The following NME9 variants were observed in gnomAD, a reference collection of about 807,000 sequenced individuals.
NME9 encodes the protein NME/NM23 family member 9.
In NME9, 48 loss-of-function variants were observed where a neutral mutation model predicts 44.4. That is an observed-to-expected ratio of 1.08 (90% CI 0.86 to 1.37). The LOEUF (loss-of-function observed/expected upper bound fraction) is 1.37, where lower values mean the gene tolerates loss of function less well. Among genes scored for constraint, NME9 ranks in the 40% most tolerant of loss-of-function variants. The pLI, the probability that NME9 is intolerant of heterozygous loss-of-function variation, is 0.00. For synonymous variants in NME9, 139 were observed against 147.1 expected (o/e 0.94, Z 0.40); for missense variants, 325 against 405.2 (o/e 0.80, Z 1.70).
chr3:138,283,567 G>T (rs893706848), intron 8 of NME9, among the ~76,000 whole-genome samples: 1 of 152,134 alleles, frequency 6.6e-6, no homozygotes, highest in Non-Finnish European at 1.5e-5. Context: ...CTGATGCCCT[G>T]CAGAGGGCAT....
At chr3:138,271,185 G>C (rs2048754425) in intron 8 of NME9, among the ~76,000 whole-genome samples, 1 of 152,166 alleles carries the variant, frequency 6.6e-6, no homozygotes, top group South Asian at 2.1e-4. Context: ...TAGTTTCACA[G>C]ATATTTTTCT....
rs777835685 is a variant in NME9, at chr3:138,301,514, T to C, written c.*126A>G. The C allele has an allele frequency of 8.9e-6, 13 of 1,455,044 alleles. No homozygotes were observed. The highest frequency in any genetic ancestry group is 2.5e-5 in the Admixed American group (1 of 40,392). 90.1% of individuals were successfully genotyped at this position (1,455,044 alleles called of 1,614,324 possible). A position where few individuals can be genotyped will look rare whatever the true frequency, so the allele number is the denominator to read the frequency against. ...GTCACTGCGCCCAGCCATATTATTT[T>C]CATTGTCTACAAAAGACAGCTAAAC... On this transcript the variant is annotated 3_prime_UTR_variant, in exon 11 of 11. Coordinates refer to ENST00000333911, the MANE Select transcript of NME9 (RefSeq NM_001349018.2).
intron 9 of NME9, 117 bp from the exon 10 acceptor site, chr3:138,303,760 AT>A: frequency 1.1e-6 from 1 of 873,678 alleles, no homozygotes; most frequent in Non-Finnish European, 1.8e-6. Context: ...TGTGAAATTG[AT>A]TTCTCTGCAG....
At chr3:138,295,664 A>G (rs1013906015) in intron 8 of NME9, among the ~76,000 whole-genome samples, 6 of 152,234 alleles carry the variant, frequency 3.9e-5, no homozygotes, top group African/African-American at 1.4e-4. Flanking sequence ...GAAGAAGAAT[A>G]TAGCCAGAGT....
rs763395072 is a variant in NME9 at position 138,303,662 on chromosome 3, T to C, written c.792-19A>G. The C allele has an allele frequency of 1.3e-6, 2 of 1,583,924 alleles. No homozygotes were observed. Among genetic ancestry groups the C allele is most frequent in the Non-Finnish European group, 1.7e-6 (2 of 1,159,390 alleles). On this transcript the variant is annotated intron_variant, in intron 9 of 10. Transcript: ENST00000333911. The stretch of plus-strand genomic sequence containing the variant: ...TCGGAGACTGGGAACATTGGCAAAA[T>C]GTAAAAGAAACAATTGTTTCATTTG...
chr3:138,284,670 T>C lies in NME9; in HGVS notation c.745+18837A>G, dbSNP rs2050236960. On this transcript the variant is annotated intron_variant, in intron 8 of 8. Transcript: ENST00000317876. ...CTCAGATTCAAAGAACTCTCTTCCA[T>C]CCTGAAGAAAAAGAAAAAAACACCA... The C allele has an allele frequency of 6.3e-6, 4 of 633,018 alleles. No homozygotes were observed. The South Asian group carries it at 9.2e-5, about 15-fold the overall frequency. The allele number at this position is 633,018 out of a possible 1,614,324, so 39.2% of individuals were successfully genotyped here.
intron 8 of NME9, among the ~76,000 whole-genome samples, chr3:138,289,474 G>A (rs2050740726): frequency 1.3e-5 from 2 of 152,338 alleles, no homozygotes; most frequent in South Asian, 4.1e-4. Flanking sequence ...TTTGAGCAGA[G>A]GAAGCACATA....
At chr3:138,263,466 T>TA in intron 8 of NME9, 1 of 447,730 alleles carries the variant, frequency 2.2e-6, no homozygotes, top group South Asian at 2.3e-5. Flanking sequence ...CTGCAGTACT[T>TA]ATACCATTTA....
intron 2 of NME9, among the ~76,000 whole-genome samples, chr3:138,323,408 A>G (rs1363997256): frequency 1.3e-5 from 2 of 152,170 alleles, no homozygotes; most frequent in African/African-American, 2.4e-5. Context: ...TCCGTCTCAA[A>G]AAAAAGAAGA....
Position 138,306,006 on chromosome 3 carries a change from C to T in NME9, c.634G>A (p.Glu212Lys), listed in dbSNP as rs746313828. The change falls in exon 8 of 11, where the codon GAG becomes AAG. Residue 212 changes from glutamate (E) to lysine (K), a missense_variant and splice_region_variant. Physicochemically the swap from Glu to Lys is moderately conservative, Grantham distance 56 (BLOSUM62 1). Coordinates refer to ENST00000333911, the MANE Select transcript of NME9 (RefSeq NM_001349018.2). ...VRLFYQHKAGEEAFEKLVHHM... is the reference protein window; with the variant it reads ...VRLFYQHKAGKEAFEKLVHHM... The stretch of plus-strand genomic sequence containing the variant: ...CTTGTGGAAGTAGATGAGCTGACCT[C>T]TCCAGCTTTGTGTTGGTAGAAAAGT... 2 of 1,603,242 alleles carry T rather than the reference C, an allele frequency of 1.2e-6. No homozygotes were observed. Among genetic ancestry groups the T allele is most frequent in the South Asian group, 1.1e-5 (1 of 90,814 alleles).
chr3:138,296,179 C>G (rs1366577676), downstream of NME9: 1 of 333,274 alleles, frequency 3.0e-6, no homozygotes, highest in Admixed American at 5.0e-5. Context: ...ACAATTTTTG[C>G]CTATGCTGCA....
rs1487971985 is a variant in NME9 at position 138,319,343 on chromosome 3, T to G, written c.195+135A>C. 6.5e-6 allele frequency: 4 copies of G among 617,070 alleles called. No individual in the cohort carries two copies. In the Admixed American group the frequency reaches 1.1e-4, roughly 16 times the overall value. The allele number at this position is 617,070 out of a possible 1,614,324, so 38.2% of individuals were successfully genotyped here. A position where few individuals can be genotyped will look rare whatever the true frequency, so the allele number is the denominator to read the frequency against. Reference sequence around the variant, plus strand: ...GAAATTAGAAAGTATCATGACAGTATCAACAAAAAGTCCACACTGATTCCT... The same window carrying G: ...GAAATTAGAAAGTATCATGACAGTAGCAACAAAAAGTCCACACTGATTCCT... On this transcript the variant is annotated intron_variant, in intron 3 of 10. Transcript: ENST00000333911.
At chr3:138,270,153 T>C in intron 8 of NME9, 1 of 1,489,648 alleles carries the variant, frequency 6.7e-7, no homozygotes, top group African/African-American at 1.4e-5. Flanking sequence ...CTTTTATATA[T>C]ATCATAACTT....
chr3:138,314,192 T>C (rs2052905516), intron 6 of NME9, 140 bp downstream of exon 6: 7 of 529,544 alleles, frequency 1.3e-5, no homozygotes, highest in Non-Finnish European at 2.4e-5. Context: ...TATATCAATT[T>C]TTAAAAGAAA....
chr3:138,274,747 C>G (rs2291093), intron 8 of NME9, among the ~76,000 whole-genome samples: 50,932 of 152,120 alleles, frequency 0.33, 10,660 homozygotes, highest in East Asian at 0.8. Context: ...TGACCAGCGT[C>G]TACAGTTTTG....
intron 8 of NME9, among the ~76,000 whole-genome samples, chr3:138,280,580 G>A (rs753450112): frequency 2.0e-5 from 3 of 148,160 alleles, no homozygotes; most frequent in African/African-American, 5.0e-5. Context: ...TGCAAGCTCC[G>A]TCTTCCGGGT....
At chr3:138,271,640 G>A (rs896659219) in intron 8 of NME9, among the ~76,000 whole-genome samples, 2 of 152,084 alleles carry the variant, frequency 1.3e-5, no homozygotes, top group Non-Finnish European at 2.9e-5. Context: ...CTCTGACCTG[G>A]GTCTCTTGAC....
At position 138,263,930 on chromosome 3, in the gene NME9, T is replaced by A; in HGVS notation, c.746-1344A>T. On this transcript the variant is annotated intron_variant, in intron 8 of 8. Coordinates refer to the NME9 transcript ENST00000317876. ...AGACTACAAATGTTCCTCAAAAATC[T>A]GCTCAGGTGAATTCATAGAGTATAT... 3.6e-6 allele frequency: 4 copies of A among 1,123,902 alleles called. No homozygotes were observed. The South Asian group carries it at 5.0e-5, about 14-fold the overall frequency. 69.6% of individuals were successfully genotyped at this position (1,123,902 alleles called of 1,614,324 possible).
intron 8 of NME9, among the ~76,000 whole-genome samples, chr3:138,285,398 C>T (rs951935542): frequency 6.6e-6 from 1 of 152,154 alleles, no homozygotes; most frequent in Admixed American, 6.5e-5. Flanking sequence ...TGACCTAACC[C>T]ATTCATATCC....
Sources: allele counts gnomAD v4.1 joint callset (sites outside exome capture counted in the v4.1 genomes callset), GRCh38; gene constraint gnomAD v4.1.1; transcripts MANE v1.5; gene names NCBI Gene and HGNC (gene_info 2026-07-23, HGNC 2026-07-21).